Variants in EIF4A1 observed in about 807,000 individuals in gnomAD.
The protein encoded by EIF4A1 is eukaryotic initiation factor 4A-I.
In EIF4A1, 11 loss-of-function variants were observed where a neutral mutation model predicts 53.5. That is an observed-to-expected ratio of 0.21 (90% CI 0.13 to 0.34). The LOEUF (loss-of-function observed/expected upper bound fraction) is 0.34, where lower values mean the gene tolerates loss of function less well. Among genes scored for constraint, EIF4A1 ranks in the 10% least tolerant of loss-of-function variants. The pLI is 1.00. For synonymous variants in EIF4A1, 237 were observed against 186.7 expected (o/e 1.27, Z -2.20); for missense variants, 213 against 530.8 (o/e 0.40, Z 5.88).
At position 7,575,229 on chromosome 17, in the gene EIF4A1, C is replaced by CT. The variant is rs1422748929; in HGVS notation, c.317dup (p.Ala107SerfsTer37). The CT allele has an allele frequency of 1.2e-6, 2 of 1,613,850 alleles. No individual in the cohort carries two copies. On this transcript the variant is annotated frameshift_variant, in exon 4 of 11. Coordinates refer to ENST00000293831, the MANE Select transcript of EIF4A1 (RefSeq NM_001416.4). LOFTEE classifies it high-confidence loss of function. Reference sequence around the variant, plus strand: ...TCTAAAAGCCACCCAGGCCTTGGTCCTAGCACCCACTCGAGAATTGGCTCA... The same window carrying CT: ...TCTAAAAGCCACCCAGGCCTTGGTCCTTAGCACCCACTCGAGAATTGGCTCA...
intron 3 of EIF4A1, 157 bp downstream of exon 3, chr17:7,574,835 C>A: frequency 7.8e-7 from 1 of 1,279,576 alleles, no homozygotes; most frequent in Non-Finnish European, 1.1e-6. Flanking sequence ...TGGTTCATGC[C>A]TTGGACACAT....
rs181895888 is a variant in EIF4A1, at chr17:7,578,160, C to T, written c.997-5C>T. Reference sequence around the variant, plus strand: ...CATGCTGAAGAGTTGTCTTTCTTGACGTAGGCCAGAGGCATTGATGTGCAG... The same window carrying T: ...CATGCTGAAGAGTTGTCTTTCTTGATGTAGGCCAGAGGCATTGATGTGCAG... On this transcript the variant is annotated splice_polypyrimidine_tract_variant and splice_region_variant and intron_variant, in intron 9 of 10. Transcript: ENST00000293831. 9.3e-4 allele frequency: 1,501 copies of T among 1,614,166 alleles called. 13 individuals are homozygous for T. Among genetic ancestry groups the T allele is most frequent in the Non-Finnish European group, 1.9e-4 (222 of 1,180,024 alleles).
rs759919185 is a variant in EIF4A1 at position 7,574,326 on chromosome 17, G to A, written c.72+18G>A. On this transcript the variant is annotated intron_variant, in intron 2 of 10. Coordinates refer to ENST00000293831, the MANE Select transcript of EIF4A1 (RefSeq NM_001416.4). The stretch of plus-strand genomic sequence containing the variant: ...TCATCGAGGTGAGACTGGAGAAATG[G>A]AATTCTGTCCTCCCCCATTACAACT... The A allele has an allele frequency of 6.2e-7, 1 of 1,614,070 alleles. No homozygotes were observed. Among genetic ancestry groups the A allele is most frequent in the African/African-American group, 1.3e-5 (1 of 74,936 alleles).
intron 4 of EIF4A1, chr17:7,575,498 G>A: frequency 3.2e-6 from 2 of 633,104 alleles, no homozygotes; most frequent in South Asian, 3.4e-5. Flanking sequence ...GGCTGGGCAA[G>A]TTTGACTGTG....
chr17:7,576,652 C>A lies in EIF4A1; in HGVS notation c.474C>A (p.Thr158=), dbSNP rs116120845. 1.7e-3 allele frequency: 2,677 copies of A among 1,613,004 alleles called. 35 individuals carry two copies. In the African/African-American group the frequency reaches 0.031, roughly 19 times the overall value. Residue 158 remains threonine (T), a synonymous_variant, in exon 5 of 11, where the codon ACC becomes ACA. Transcript: ENST00000293831. ...QMEAPHIIVG[T]PGRVFDMLNR... ...AAGCTCCCCACATCATCGTGGGTAC[C>A]CCTGGCCGTGTGTTTGATATGCTTA...
intron 3 of EIF4A1, 68 bp downstream of exon 3, chr17:7,574,746 G>A: frequency 6.2e-7 from 1 of 1,603,508 alleles, no homozygotes; most frequent in African/African-American, 1.3e-5. Flanking sequence ...CATCTGGTTG[G>A]TGATGCCCAT....
At position 7,577,082 on chromosome 17, in the gene EIF4A1, C is replaced by T. The variant is rs1309676371; in HGVS notation, c.541C>T (p.Leu181=). Residue 181 remains leucine (L), a synonymous_variant, in exon 6 of 11, where the codon CTG becomes TTG. Transcript: ENST00000293831. This position sits in a 1 kb window ranked among gnomAD's most constrained non-coding sequence, Gnocchi z 4.7. ...CCCCAAATACATCAAGATGTTTGTACTGGATGAAGCTGACGAAATGTTAAG... is the reference window on the plus strand; with the variant it reads ...CCCCAAATACATCAAGATGTTTGTATTGGATGAAGCTGACGAAATGTTAAG... The part of the protein sequence containing the change: ...LSPKYIKMFV[L]DEADEMLSRG... The T allele has an allele frequency of 6.8e-6, 11 of 1,613,296 alleles. No homozygotes were observed. Among genetic ancestry groups the T allele is most frequent in the South Asian group, 5.5e-5 (5 of 90,802 alleles).
chr17:7,574,887 T>C, intron 3 of EIF4A1: 1 of 1,050,092 alleles, frequency 9.5e-7, no homozygotes, highest in Non-Finnish European at 1.5e-6. Context: ...AGCTTATATT[T>C]GCATCTACAG....
chr17:7,577,340 C>A lies in EIF4A1; in HGVS notation c.625-4C>A. On this transcript the variant is annotated splice_region_variant and splice_polypyrimidine_tract_variant and intron_variant, in intron 6 of 10. Transcript: ENST00000293831. The surrounding 1 kb of genome is among the most constrained non-coding windows in gnomAD (Gnocchi z 4.7). ...ACTCTAAGACTGGCCTTTTTTTCCACTAGGTAGTTTTGCTGTCAGCCACAA... is the reference window on the plus strand; with the variant it reads ...ACTCTAAGACTGGCCTTTTTTTCCAATAGGTAGTTTTGCTGTCAGCCACAA... 4.3e-6 allele frequency: 7 copies of A among 1,613,244 alleles called. No homozygotes were observed. Among genetic ancestry groups the A allele is most frequent in the Non-Finnish European group, 5.9e-6 (7 of 1,179,740 alleles).
At position 7,572,884 on chromosome 17, in the gene EIF4A1, G is replaced by T; in HGVS notation, c.23+20G>T. On this transcript the variant is annotated intron_variant, in intron 1 of 10. Coordinates refer to ENST00000293831, the MANE Select transcript of EIF4A1 (RefSeq NM_001416.4). The stretch of plus-strand genomic sequence containing the variant: ...TTCCCGGTAAGAAAGGCATTTGCAA[G>T]AGATTGTGGCTGCTTATTTTGCCGC... 1.2e-6 allele frequency: 2 copies of T among 1,614,184 alleles called. No homozygotes were observed. Among genetic ancestry groups the T allele is most frequent in the Non-Finnish European group, 1.7e-6 (2 of 1,179,988 alleles).
At chr17:7,574,408 C>G in intron 2 of EIF4A1, 100 bp downstream of exon 2, 1 of 1,605,384 alleles carries the variant, frequency 6.2e-7, no homozygotes, top group Non-Finnish European at 8.5e-7. Flanking sequence ...CATCTAGAAG[C>G]AGCTGGTTTC....
rs2071400587 is a variant in EIF4A1 at position 7,576,268 on chromosome 17, T to G, written c.346-256T>G. 1.3e-5 allele frequency: 5 copies of G among 370,954 alleles called. No homozygotes were observed. The South Asian group carries it at 5.1e-4, about 38-fold the overall frequency. The allele number at this position is 370,954 out of a possible 1,614,324, so 23.0% of individuals were successfully genotyped here. ...AAATATCTAGAGTAAAGAAACTGAATTAATTATCTGAGCGGCCTCATTGTG... is the reference window on the plus strand; with the variant it reads ...AAATATCTAGAGTAAAGAAACTGAAGTAATTATCTGAGCGGCCTCATTGTG... On this transcript the variant is annotated intron_variant, in intron 4 of 10. Coordinates refer to ENST00000293831, the MANE Select transcript of EIF4A1 (RefSeq NM_001416.4).
At position 7,574,277 on chromosome 17, in the gene EIF4A1, C is replaced by G; in HGVS notation, c.41C>G (p.Pro14Arg). 6.2e-7 allele frequency: 1 copy of G among 1,614,160 alleles called. No homozygotes were observed. Among genetic ancestry groups the G allele is most frequent in the Non-Finnish European group, 8.5e-7 (1 of 1,180,030 alleles). Reference sequence around the variant, plus strand: ...ACCAACAGATCCAGAGACAATGGCCCCGATGGGATGGAGCCCGAAGGCGTC... The same window carrying G: ...ACCAACAGATCCAGAGACAATGGCCGCGATGGGATGGAGCCCGAAGGCGTC... The part of the protein sequence containing the change: ...SQDSRSRDNG[P>R]DGMEPEGVIE... Residue 14 changes from proline to arginine, a missense_variant, in exon 2 of 11, where the codon CCC (proline) becomes CGC (arginine). Physicochemically the swap from Pro to Arg is moderately radical, Grantham distance 103. Transcript: ENST00000293831.
intron 1 of EIF4A1, chr17:7,573,095 G>A (rs1162407822): frequency 2.6e-5 from 17 of 666,086 alleles, no homozygotes; most frequent in Non-Finnish European, 4.3e-5. Flanking sequence ...GGTCTGTTAC[G>A]AGGCCTCGAC....
chr17:7,574,027 AG>A, intron 1 of EIF4A1: 1 of 543,508 alleles, frequency 1.8e-6, no homozygotes, highest in East Asian at 3.1e-5. Flanking sequence ...GTCTTCAGAA[AG>A]GGTCACCCCC....
intron 1 of EIF4A1, chr17:7,574,036 C>G (rs555538502): frequency 1.7e-6 from 1 of 576,816 alleles, no homozygotes; most frequent in African/African-American, 1.9e-5. Context: ...AAGGGTCACC[C>G]CCTTATGTCG....
chr17:7,575,998 C>T (rs1265638728), intron 4 of EIF4A1: 1 of 155,922 alleles, frequency 6.4e-6, no homozygotes, highest in African/African-American at 2.4e-5. Context: ...CATAGTGAAA[C>T]CCCGCTTCTA....
chr17:7,576,547 AGG>A lies in EIF4A1; in HGVS notation c.370_371del (p.Gly124ArgfsTer19). ...AGATACAGAAGGTGGTCATGGCACT[AGG>A]AGACTACATGGGCGCCTCCTGTCAC... ...QQIQKVVMAL[G>X]DYMGASCHAC... On this transcript the variant is annotated frameshift_variant, in exon 5 of 11. Coordinates refer to ENST00000293831, the MANE Select transcript of EIF4A1 (RefSeq NM_001416.4). LOFTEE classifies it high-confidence loss of function. 6.2e-7 allele frequency: 1 copy of A among 1,605,186 alleles called. No homozygotes were observed.
intron 4 of EIF4A1, 99 bp downstream of exon 4, chr17:7,575,357 A>G: frequency 6.5e-6 from 10 of 1,550,074 alleles, no homozygotes; most frequent in South Asian, 1.1e-5. Flanking sequence ...CCTTGGGAGG[A>G]AGACATGGGT....
Sources: allele counts gnomAD v4.1 joint callset, GRCh38; gene constraint gnomAD v4.1.1; non-coding constraint Gnocchi (gnomAD v3.1); transcripts MANE v1.5; gene names NCBI Gene and HGNC (gene_info 2026-07-23, HGNC 2026-07-21).